Variants in ROBO1 observed in about 807,000 individuals in gnomAD.
The protein encoded by ROBO1 is roundabout guidance receptor 1, also known as roundabout homolog 1.
A neutral mutation model predicts 195.9 loss-of-function variants in ROBO1; 149 were observed. The observed-to-expected ratio is 0.76, with a 90% CI of 0.67 to 0.87. The LOEUF is 0.87. ROBO1 is among the 40% of genes least tolerant of loss of function. The pLI, the probability that ROBO1 is intolerant of heterozygous loss-of-function variation, is 0.00. For missense variants in ROBO1, 1,933 were observed against 2,068.3 expected, an observed-to-expected ratio of 0.93 and a Z score of 1.27; for synonymous variants, 816 against 733.2, an observed-to-expected ratio of 1.11 and a Z score of -1.82.
At chr3:79,702,211 C>G (rs768781567) in intron 1 of ROBO1, among the ~76,000 whole-genome samples, 2 of 151,804 alleles carry the variant, frequency 1.3e-5, no homozygotes, top group Non-Finnish European at 2.9e-5. Flanking sequence ...AAATCTACAG[C>G]TGAAATGGTA....
rs545257098 is a variant in ROBO1, at chr3:78,807,159, C to G, written c.500-60259G>C. ...TTGCATTTCTTTTCTGAGTTGCTAT[C>G]AGAGCAATCTATAAAGGAGGAATGT... On this transcript the variant is annotated intron_variant, in intron 4 of 30. Coordinates refer to ENST00000464233, the MANE Select transcript of ROBO1 (RefSeq NM_002941.4). Among the ~76,000 whole-genome samples, 6 of 152,162 alleles carry G rather than the reference C, an allele frequency of 3.9e-5. No individual in the cohort carries two copies. In the East Asian group the frequency reaches 1.2e-3, roughly 29 times the overall value.
intron 1 of ROBO1, among the ~76,000 whole-genome samples, chr3:79,750,425 G>A (rs1409546912): frequency 1.3e-5 from 2 of 152,166 alleles, no homozygotes; most frequent in East Asian, 3.9e-4. Context: ...AGGCATGATT[G>A]GTTTTGTAAT....
intron 3 of ROBO1, among the ~76,000 whole-genome samples, chr3:79,081,714 G>T (rs1298949542): frequency 6.6e-6 from 1 of 152,090 alleles, no homozygotes. Flanking sequence ...CAAACTGCCT[G>T]GCTAAAGTTT....
intron 25 of ROBO1, among the ~76,000 whole-genome samples, chr3:78,628,567 A>G (rs945390011): frequency 6.6e-6 from 1 of 152,168 alleles, no homozygotes; most frequent in African/African-American, 2.4e-5. Flanking sequence ...GAAGTACTAC[A>G]TTATATAAAC....
chr3:79,039,780 C>T (rs2078449106), intron 3 of ROBO1, among the ~76,000 whole-genome samples: 1 of 81,942 alleles, frequency 1.2e-5, no homozygotes, highest in Admixed American at 2.1e-4. Context: ...CCAGCCTGGG[C>T]TACAAAGCAA....
rs571258276 is a variant in ROBO1 at position 79,239,100 on chromosome 3, C to T, written c.89-113561G>A. 2.0e-5 allele frequency among the ~76,000 whole-genome samples: 3 copies of T among 152,222 alleles called. No homozygotes were observed. In the South Asian group the frequency reaches 6.2e-4, roughly 32 times the overall value. On this transcript the variant is annotated intron_variant, in intron 2 of 30. Transcript: ENST00000464233. ...CCACTCTCTCCTTAGTACTATACAA[C>T]CAGTAGGTCTGAATTATGATCAAAT...
rs1212893351 is a variant in ROBO1 at position 78,826,788 on chromosome 3, T to C, written c.500-79888A>G. ...CGATATATTTGTTTCTTATACAACC[T>C]ACACATTTATACATTAGGTATTGAC... On this transcript the variant is annotated intron_variant, in intron 4 of 30. Transcript: ENST00000464233. 2.0e-5 allele frequency among the ~76,000 whole-genome samples: 3 copies of C among 152,308 alleles called. No individual in the cohort carries two copies. The East Asian group carries it at 5.8e-4, about 29-fold the overall frequency.
At chr3:78,878,800 T>C (rs2036010390) in intron 4 of ROBO1, among the ~76,000 whole-genome samples, 1 of 152,102 alleles carries the variant, frequency 6.6e-6, no homozygotes, top group African/African-American at 2.4e-5. Flanking sequence ...AGGAAACTCA[T>C]AGGAGATTCT....
chr3:78,844,530 C>G (rs572212820), intron 4 of ROBO1, among the ~76,000 whole-genome samples: 190 of 152,106 alleles, frequency 1.2e-3, no homozygotes, highest in African/African-American at 4.3e-3. Context: ...TAAATCAATA[C>G]TAGGCTTTGT....
intron 2 of ROBO1, among the ~76,000 whole-genome samples, chr3:79,149,829 C>G (rs1313944132): frequency 3.3e-5 from 5 of 151,640 alleles, no homozygotes; most frequent in Non-Finnish European, 7.4e-5. Flanking sequence ...CTGATGAAAC[C>G]CCAGTACGTT....
chr3:79,213,301 T>C (rs2081998407), intron 2 of ROBO1, among the ~76,000 whole-genome samples: 1 of 152,170 alleles, frequency 6.6e-6, no homozygotes, highest in South Asian at 2.1e-4. Context: ...CATGGCATAT[T>C]GTGAACATAT....
At chr3:79,239,702 T>A (rs2108875741) in intron 2 of ROBO1, among the ~76,000 whole-genome samples, 1 of 152,340 alleles carries the variant, frequency 6.6e-6, no homozygotes, top group South Asian at 2.1e-4. Context: ...TATGTATAAA[T>A]ATTGATAAGT....
At position 79,611,835 on chromosome 3, in the gene ROBO1, T is replaced by A. The variant is rs569350977; in HGVS notation, c.-50-21874A>T. Among the ~76,000 whole-genome samples, 3 of 152,052 alleles carry A rather than the reference T, an allele frequency of 2.0e-5. No homozygotes were observed. In the East Asian group the frequency reaches 5.8e-4, roughly 30 times the overall value. ...CAAACCACCATGGCACGTGTATACC[T>A]ATGGAAAAAACCTGCGCATTCTGCA... On this transcript the variant is annotated intron_variant, in intron 1 of 30. Coordinates refer to ENST00000464233, the MANE Select transcript of ROBO1 (RefSeq NM_002941.4).
At chr3:79,545,484 C>T (rs1460612346) in intron 2 of ROBO1, among the ~76,000 whole-genome samples, 1 of 152,206 alleles carries the variant, frequency 6.6e-6, no homozygotes, top group East Asian at 1.9e-4. Flanking sequence ...AATCCCAACT[C>T]AGCCACTTAC....
intron 4 of ROBO1, among the ~76,000 whole-genome samples, chr3:78,934,456 A>G (rs1420304454): frequency 1.3e-5 from 2 of 151,992 alleles, no homozygotes; most frequent in Non-Finnish European, 2.9e-5. Context: ...TTTAAAAGAC[A>G]AAAGTAAAGG....
chr3:79,471,501 T>G (rs1017533197), intron 2 of ROBO1, among the ~76,000 whole-genome samples: 5 of 152,168 alleles, frequency 3.3e-5, no homozygotes, highest in Admixed American at 1.3e-4. Flanking sequence ...CTCACTATAC[T>G]ATGTTAAAGA....
intron 3 of ROBO1, among the ~76,000 whole-genome samples, chr3:79,103,293 A>C (rs546178751): frequency 6.6e-6 from 1 of 151,956 alleles, no homozygotes; most frequent in Non-Finnish European, 1.5e-5. Context: ...TAATGCATAC[A>C]AACAGGAATG....
intron 4 of ROBO1, among the ~76,000 whole-genome samples, chr3:78,887,444 A>G (rs1007091188): frequency 4.6e-5 from 7 of 152,220 alleles, no homozygotes; most frequent in African/African-American, 7.2e-5. Context: ...CAGTTATGAA[A>G]TTTAAGAAGA....
intron 2 of ROBO1, among the ~76,000 whole-genome samples, chr3:79,511,059 C>T (rs773475631): frequency 3.9e-5 from 6 of 152,092 alleles, no homozygotes; most frequent in Non-Finnish European, 8.8e-5. Flanking sequence ...ATCAGTGACT[C>T]TTCAAGATAC....
Sources: gnomAD v4.1 joint callset for allele counts (sites outside exome capture counted in the v4.1 genomes callset) on GRCh38, gnomAD v4.1.1 for gene constraint, MANE v1.5 for transcripts, NCBI Gene and HGNC (gene_info 2026-07-23, HGNC 2026-07-21) for gene names.